Variants in IFT74 observed in about 807,000 individuals in gnomAD.
IFT74 encodes intraflagellar transport 74.
IFT74 carries 92 observed loss-of-function variants against 96.7 expected under a neutral mutation model. The observed-to-expected ratio is 0.95, with a 90% confidence interval of 0.80 to 1.13. The LOEUF is 1.13. Among genes scored for constraint, IFT74 ranks in the 50% most tolerant of loss-of-function variants. The pLI is 0.00. For missense variants in IFT74, 811 were observed against 698.2 expected (o/e 1.16, Z -1.82); for synonymous variants, 223 against 213.2 (o/e 1.05, Z -0.40).
chr9:26,992,508 T>C (rs10812508), intron 8 of IFT74, among the ~76,000 whole-genome samples: 49,172 of 151,806 alleles, frequency 0.32, 9,376 homozygotes, highest in East Asian at 0.69. Context: ...GCCTGGGCAA[T>C]GTGGCGAAAC....
At chr9:27,061,781 A>G (rs1820435297) in intron 19 of IFT74, among the ~76,000 whole-genome samples, 1 of 151,858 alleles carries the variant, frequency 6.6e-6, no homozygotes, top group South Asian at 2.1e-4. Flanking sequence ...TAAACTAAGT[A>G]AGATCCTGAG....
intron 8 of IFT74, among the ~76,000 whole-genome samples, chr9:26,999,008 A>C (rs1433613206): frequency 6.6e-6 from 1 of 152,132 alleles, no homozygotes; most frequent in African/African-American, 2.4e-5. Context: ...GCAAGCAATC[A>C]ATCAATCAGT....
At chr9:27,036,724 A>T in intron 13 of IFT74, 5 of 1,282,554 alleles carry the variant, frequency 3.9e-6, no homozygotes, top group Non-Finnish European at 4.9e-6. Flanking sequence ...ATGGTGAAAG[A>T]AATCCCTTAC....
At chr9:27,053,322 G>A (rs1416458513) in intron 16 of IFT74, among the ~76,000 whole-genome samples, 1 of 151,988 alleles carries the variant, frequency 6.6e-6, no homozygotes, top group East Asian at 1.9e-4. Context: ...GGTGATTGGG[G>A]AAAAAGAGTC....
intron 16 of IFT74, 29 bp downstream of exon 16, chr9:27,048,303 CT>C (rs200951698): frequency 2.4e-4 from 349 of 1,455,604 alleles, no homozygotes; most frequent in South Asian, 3.8e-4. Flanking sequence ...TTTTAATATT[CT>C]TTTTTTTTAA....
intron 13 of IFT74, among the ~76,000 whole-genome samples, chr9:27,033,377 G>A (rs1830212669): frequency 6.6e-6 from 1 of 151,916 alleles, no homozygotes; most frequent in Non-Finnish European, 1.5e-5. Flanking sequence ...GGGCAACAGG[G>A]CGAAAACCTG....
chr9:27,001,718 A>G (rs893143386), intron 8 of IFT74, among the ~76,000 whole-genome samples: 9 of 152,088 alleles, frequency 5.9e-5, no homozygotes, highest in African/African-American at 2.2e-4. Context: ...TCTGATTATT[A>G]ACCCCTTTTT....
chr9:27,050,692 A>C (rs2131692281), intron 16 of IFT74, among the ~76,000 whole-genome samples: 1 of 134,448 alleles, frequency 7.4e-6, no homozygotes, highest in Non-Finnish European at 1.5e-5. Flanking sequence ...CAATGAGAAC[A>C]CTTGGACACA....
chr9:26,980,152 T>C (rs182439138), intron 3 of IFT74, among the ~76,000 whole-genome samples: 325 of 152,338 alleles, frequency 2.1e-3, no homozygotes, highest in Middle Eastern at 0.014. Context: ...TAGTCAGAAA[T>C]TTAAATTAGT....
At chr9:27,056,050 T>C (rs1349650714) in intron 17 of IFT74, among the ~76,000 whole-genome samples, 1 of 152,118 alleles carries the variant, frequency 6.6e-6, no homozygotes, top group Non-Finnish European at 1.5e-5. Flanking sequence ...ATTATGACTC[T>C]ATCCTACCTG....
intron 10 of IFT74, among the ~76,000 whole-genome samples, chr9:27,014,770 G>A (rs1431600146): frequency 2.0e-5 from 3 of 152,040 alleles, no homozygotes; most frequent in African/African-American, 2.4e-5. Context: ...CACCATGCCC[G>A]GCTAATTTTT....
At chr9:27,030,218 G>A (rs968721072) in intron 13 of IFT74, among the ~76,000 whole-genome samples, 4 of 152,102 alleles carry the variant, frequency 2.6e-5, no homozygotes, top group Non-Finnish European at 1.5e-5. Context: ...GTTAGGTATG[G>A]TATAAACAGT....
intron 6 of IFT74, among the ~76,000 whole-genome samples, chr9:26,988,194 C>T (rs565212361): frequency 2.6e-5 from 4 of 152,180 alleles, no homozygotes; most frequent in South Asian, 2.1e-4. Flanking sequence ...TCAGGTGATC[C>T]GCCCGCGTCA....
intron 2 of IFT74, among the ~76,000 whole-genome samples, chr9:26,963,420 C>T (rs1311795280): frequency 6.0e-5 from 9 of 150,150 alleles, no homozygotes; most frequent in Non-Finnish European, 1.0e-4. Flanking sequence ...AATAAACATA[C>T]GTGTGCATGT....
chr9:27,061,478 C>T (rs1399175471), intron 19 of IFT74, among the ~76,000 whole-genome samples: 1 of 151,932 alleles, frequency 6.6e-6, no homozygotes, highest in Non-Finnish European at 1.5e-5. Context: ...ACAGGGGTCT[C>T]GCCAACTTAG....
At chr9:26,974,612 T>G (rs1246098214) in intron 2 of IFT74, among the ~76,000 whole-genome samples, 1 of 152,192 alleles carries the variant, frequency 6.6e-6, no homozygotes, top group Non-Finnish European at 1.5e-5. Flanking sequence ...CCTGAGGTCT[T>G]AAGCGGGAAA....
chr9:26,958,474 G>T (rs1224206039), intron 1 of IFT74, among the ~76,000 whole-genome samples: 1 of 152,182 alleles, frequency 6.6e-6, no homozygotes, highest in African/African-American at 2.4e-5. Flanking sequence ...GGCCAGTGCT[G>T]TAGGAATAGA....
In IFT74 at chr9:26,988,741, A is replaced by G. The variant is rs971049840; in HGVS notation, c.525+13A>G. ...TGATTACAATATGGTAAGAAAATTT[A>G]TAAAAGCAAATTGATCTATGTAAGT... On this transcript the variant is annotated intron_variant, in intron 7 of 19. Transcript: ENST00000380062. 2.6e-6 allele frequency: 4 copies of G among 1,514,184 alleles called. No homozygotes were observed. The highest frequency in any genetic ancestry group is 2.3e-5 in the East Asian group (1 of 43,712). 93.8% of individuals were successfully genotyped at this position (1,514,184 alleles called of 1,614,324 possible).
intron 8 of IFT74, among the ~76,000 whole-genome samples, chr9:26,999,116 G>A (rs73436044): frequency 0.065 from 9,892 of 152,222 alleles, 380 homozygotes; most frequent in Middle Eastern, 0.16. Context: ...TATCAGAAAT[G>A]GAGCCAGGTA....
Sources: gnomAD v4.1 joint callset for allele counts (sites outside exome capture counted in the v4.1 genomes callset) on GRCh38, gnomAD v4.1.1 for gene constraint, MANE v1.5 for transcripts, NCBI Gene and HGNC (gene_info 2026-07-23, HGNC 2026-07-21) for gene names.